Variants in TESC observed in about 807,000 individuals in gnomAD.
TESC encodes the protein calcineurin B homologous protein 3.
A neutral mutation model predicts 31.0 loss-of-function variants in TESC; 19 were observed. That is an observed-to-expected ratio of 0.61 (90% CI 0.43 to 0.90). The LOEUF (loss-of-function observed/expected upper bound fraction) is 0.90, where lower values mean the gene tolerates loss of function less well. Among genes scored for constraint, TESC ranks in the 40% least tolerant of loss-of-function variants. The probability of loss-of-function intolerance (pLI) is 0.00; values close to 1 mark genes in which losing one functional copy is unlikely to be tolerated. For missense variants in TESC, 248 were observed against 303.8 expected, an observed-to-expected ratio of 0.82 and a Z score of 1.36; for synonymous variants, 109 against 114.8, an observed-to-expected ratio of 0.95 and a Z score of 0.32.
chr12:117,049,122 C>A lies in TESC; in HGVS notation c.246G>T (p.Glu82Asp). The change falls in exon 4 of 8, where the codon GAG becomes GAT. Residue 82 changes from glutamate to aspartate, a missense_variant. Physicochemically the swap from Glu to Asp is conservative, Grantham distance 45. Transcript: ENST00000335209. Reference protein sequence around the residue: ...LRKGPSGLADEINFEDFLTIM... With the variant: ...LRKGPSGLADDINFEDFLTIM... ...TGGTCAGGAAGTCCTCGAAATTGAT[C>A]TCATCAGCCAGGCCACTGGGTCCCT... The A allele has an allele frequency of 6.2e-7, 1 of 1,614,264 alleles. No homozygotes were observed.
chr12:117,087,317 C>A (rs1366776802), intron 1 of TESC, among the ~76,000 whole-genome samples: 1 of 152,184 alleles, frequency 6.6e-6, no homozygotes, highest in Non-Finnish European at 1.5e-5. Flanking sequence ...ACCTTAATAC[C>A]CTTTTTCATG....
At chr12:117,039,866 G>A (rs1433789618) in intron 7 of TESC, among the ~76,000 whole-genome samples, 3 of 152,246 alleles carry the variant, frequency 2.0e-5, no homozygotes, top group African/African-American at 7.2e-5. Context: ...CAGAACCTTG[G>A]AGTGGGCCTT....
chr12:117,044,299 A>G (rs550165627), intron 6 of TESC, among the ~76,000 whole-genome samples: 2 of 152,254 alleles, frequency 1.3e-5, no homozygotes, highest in Admixed American at 1.3e-4. Flanking sequence ...AATTAAAAAA[A>G]AAATGAAACC....
Position 117,046,549 on chromosome 12 carries a change from G to A in TESC, c.519+10C>T, listed in dbSNP as rs1954562921. 2 of 1,546,488 alleles carry A rather than the reference G, an allele frequency of 1.3e-6. No individual in the cohort carries two copies. Among genetic ancestry groups the A allele is most frequent in the African/African-American group, 2.7e-5 (2 of 72,944 alleles). ...ACTGCGCGTCTCGGGAGGGCTGCAGGGGCGCTCACCATCTGCCCCATGCAC... is the reference window on the plus strand; with the variant it reads ...ACTGCGCGTCTCGGGAGGGCTGCAGAGGCGCTCACCATCTGCCCCATGCAC... On this transcript the variant is annotated intron_variant, in intron 6 of 7. Coordinates refer to ENST00000335209, the MANE Select transcript of TESC (RefSeq NM_017899.4).
At position 117,049,841 on chromosome 12, in the gene TESC, C is replaced by A. The variant is rs540894503; in HGVS notation, c.210-683G>T. Among the ~76,000 whole-genome samples the A allele has an allele frequency of 3.1e-4, 43 of 140,156 alleles. 1 individual carries two copies. In the South Asian group the frequency reaches 9.5e-3, roughly 31 times the overall value. 91.9% of individuals were successfully genotyped at this position (140,156 alleles called of 152,430 possible). ...GCTTGAACTCAGGAGGTGGAGGTTG[C>A]AGTAAGCTGAGATCACACCACTGCA... On this transcript the variant is annotated intron_variant, in intron 3 of 7. Transcript: ENST00000335209.
At chr12:117,055,856 C>A (rs190362187) in intron 3 of TESC, among the ~76,000 whole-genome samples, 2 of 152,058 alleles carry the variant, frequency 1.3e-5, no homozygotes, top group African/African-American at 2.4e-5. Context: ...CACCCAGGTT[C>A]CTTTCCTGAC....
At chr12:117,071,878 G>T (rs565166720) in intron 2 of TESC, among the ~76,000 whole-genome samples, 1 of 152,292 alleles carries the variant, frequency 6.6e-6, no homozygotes, top group South Asian at 2.1e-4. Flanking sequence ...CCTACTGTGT[G>T]CTGTCCACAG....
At chr12:117,046,936 C>A in intron 4 of TESC, 98 bp from the exon 5 acceptor site, 4 of 1,327,380 alleles carry the variant, frequency 3.0e-6, no homozygotes, top group Non-Finnish European at 4.2e-6. Context: ...CACCAATAAC[C>A]AAACCTCAAT....
chr12:117,044,892 G>A (rs571902312), intron 6 of TESC, among the ~76,000 whole-genome samples: 7 of 146,518 alleles, frequency 4.8e-5, no homozygotes, highest in African/African-American at 1.6e-4. Context: ...GTAAGACTTG[G>A]TCTCGGGAAA....
At chr12:117,044,468 AG>A (rs1954527659) in intron 6 of TESC, among the ~76,000 whole-genome samples, 1 of 152,068 alleles carries the variant, frequency 6.6e-6, no homozygotes, top group African/African-American at 2.4e-5. Flanking sequence ...CCATGGCCAG[AG>A]TCTGGGGCTG....
chr12:117,084,914 A>G (rs768958574), intron 1 of TESC, among the ~76,000 whole-genome samples: 63 of 152,326 alleles, frequency 4.1e-4, no homozygotes, highest in Middle Eastern at 6.8e-3. Context: ...CTGTGCTTGC[A>G]TGGCCCTCTG....
At chr12:117,070,179 G>A (rs967067477) in intron 2 of TESC, among the ~76,000 whole-genome samples, 9 of 152,348 alleles carry the variant, frequency 5.9e-5, no homozygotes, top group Admixed American at 2.0e-4. Flanking sequence ...GACCGGGCCT[G>A]GGGTCACTTA....
intron 1 of TESC, among the ~76,000 whole-genome samples, chr12:117,075,959 A>G (rs1212919998): frequency 1.6e-5 from 2 of 124,846 alleles, no homozygotes; most frequent in African/African-American, 6.7e-5. Flanking sequence ...ACATATATAT[A>G]TATATATGTA....
chr12:117,055,614 T>C (rs551815707), intron 3 of TESC, among the ~76,000 whole-genome samples: 4 of 152,114 alleles, frequency 2.6e-5, no homozygotes, highest in Admixed American at 6.5e-5. Context: ...ACTTCCGAGA[T>C]TCAGTTACAA....
chr12:117,063,592 C>T (rs1444646425), intron 2 of TESC, among the ~76,000 whole-genome samples: 1 of 152,204 alleles, frequency 6.6e-6, no homozygotes, highest in Non-Finnish European at 1.5e-5. Flanking sequence ...TAACCGACCT[C>T]CAAGGTGAGG....
intron 3 of TESC, among the ~76,000 whole-genome samples, chr12:117,053,733 C>T (rs1239921769): frequency 1.3e-5 from 2 of 152,210 alleles, no homozygotes; most frequent in South Asian, 2.1e-4. Context: ...CTCCCTCTCT[C>T]GCGTGCGCGC....
At chr12:117,042,089 A>C in intron 6 of TESC, 95 bp from the exon 7 acceptor site, 1 of 1,242,422 alleles carries the variant, frequency 8.0e-7, no homozygotes, top group Non-Finnish European at 1.1e-6. Context: ...CCCCACCAAT[A>C]CCCAAATGTA....
intron 1 of TESC, chr12:117,098,430 A>T (rs1395041870): frequency 1.3e-5 from 2 of 152,418 alleles, no homozygotes; most frequent in African/African-American, 4.8e-5. Context: ...CCTGGTCCAC[A>T]GCCAGAGGCA....
chr12:117,084,825 C>T (rs920288211), intron 1 of TESC, among the ~76,000 whole-genome samples: 3 of 152,216 alleles, frequency 2.0e-5, no homozygotes, highest in African/African-American at 4.8e-5. Flanking sequence ...GGGGCATGCA[C>T]ACCACTGCCT....
Sources: allele counts gnomAD v4.1 joint callset (sites outside exome capture counted in the v4.1 genomes callset), GRCh38; gene constraint gnomAD v4.1.1; transcripts MANE v1.5; gene names NCBI Gene and HGNC (gene_info 2026-07-23, HGNC 2026-07-21).